FBN1: variants seen among roughly 807,000 people sequenced by gnomAD.
FBN1 encodes fibrillin 1, also known as fibrillin-1.
In FBN1, 29 loss-of-function variants were observed where a neutral mutation model predicts 365.1. The observed-to-expected ratio is 0.08, with a 90% confidence interval of 0.06 to 0.11. FBN1 has a LOEUF of 0.11. Among genes scored for constraint, FBN1 ranks in the 10% least tolerant of loss-of-function variants. The pLI is 1.00. For synonymous variants in FBN1, 1,210 were observed against 1,270.5 expected (o/e 0.95, Z 1.01); for missense variants, 2,476 against 3,703.2 (o/e 0.67, Z 8.60).
chr15:48,417,469 T>TTCCTTCCTTCC (rs752328232), intron 63 of FBN1, among the ~76,000 whole-genome samples: 1 of 33,586 alleles, frequency 3.0e-5, no homozygotes, highest in East Asian at 1.2e-3. Flanking sequence ...CCTTCCTTCC[T>TTCCTTCCTTCC]TTCCTTCCTT....
chr15:48,636,435 T>C (rs949179740), intron 2 of FBN1, among the ~76,000 whole-genome samples: 1 of 152,194 alleles, frequency 6.6e-6, no homozygotes, highest in Non-Finnish European at 1.5e-5. Flanking sequence ...TTAACACATG[T>C]GACCAGGGTC....
rs138611159 is a variant in FBN1 at position 48,609,604 on chromosome 15, A to C, written c.346+1124T>G. 3.2e-3 allele frequency among the ~76,000 whole-genome samples: 481 copies of C among 152,336 alleles called. 7 individuals carry two copies. The East Asian group carries it at 0.036, about 11-fold the overall frequency. On this transcript the variant is annotated intron_variant, in intron 4 of 65. Transcript: ENST00000316623. ...TGGTTATCCAAACTGAGAGGCAAGG[A>C]AGCTGAGGCACTTATCCAACCACTC...
chr15:48,570,172 T>C (rs2044295931), intron 6 of FBN1, among the ~76,000 whole-genome samples: 4 of 152,186 alleles, frequency 2.6e-5, no homozygotes, highest in Admixed American at 2.6e-4. Context: ...GCTTTATATA[T>C]CTAACCACCT....
At chr15:48,519,317 T>C (rs1448884403) in intron 10 of FBN1, among the ~76,000 whole-genome samples, 2 of 152,324 alleles carry the variant, frequency 1.3e-5, no homozygotes, top group South Asian at 2.1e-4. Context: ...ATATGCTCAA[T>C]TGGTGGGAAA....
intron 44 of FBN1, among the ~76,000 whole-genome samples, chr15:48,453,795 G>A (rs1042369482): frequency 2.6e-5 from 4 of 151,678 alleles, no homozygotes; most frequent in African/African-American, 4.8e-5. Context: ...TCTCAATATC[G>A]CTGTGGACCT....
In FBN1 at chr15:48,448,826, G is replaced by A. The variant is rs776310363; in HGVS notation, c.5613C>T (p.Ser1871=). 6.2e-7 allele frequency: 1 copy of A among 1,612,786 alleles called. No individual in the cohort carries two copies. Among genetic ancestry groups the A allele is most frequent in the African/African-American group, 1.3e-5 (1 of 74,876 alleles). The change falls in exon 46 of 66, where the codon AGC becomes AGT. Residue 1871 remains serine, a synonymous_variant. Coordinates refer to ENST00000316623, the MANE Select transcript of FBN1 (RefSeq NM_000138.5). ...AACCAGTGTGGCAAAGGCAATAAAAGCTTCCAACTGTGTCAATGCACTGCC... is the reference window on the plus strand; with the variant it reads ...AACCAGTGTGGCAAAGGCAATAAAAACTTCCAACTGTGTCAATGCACTGCC... ...SHGQCIDTVG[S]FYCLCHTGFK...
intron 10 of FBN1, among the ~76,000 whole-genome samples, chr15:48,519,657 A>G (rs1407822890): frequency 3.9e-5 from 6 of 152,322 alleles, no homozygotes; most frequent in Middle Eastern, 3.4e-3. Flanking sequence ...GGATGGCAGG[A>G]GTAGGGAGAA....
At chr15:48,426,724 C>G (rs1191120292) in intron 58 of FBN1, among the ~76,000 whole-genome samples, 1 of 152,148 alleles carries the variant, frequency 6.6e-6, no homozygotes, top group Non-Finnish European at 1.5e-5. Context: ...TTAGCACACT[C>G]TTATTGGTCT....
In FBN1 at chr15:48,465,855, T is replaced by A. The variant is rs1209646332; in HGVS notation, c.4751A>T (p.Glu1584Val). ...CEMCPAVNTSEYKILCPGGEG... is the reference protein window; with the variant it reads ...CEMCPAVNTSVYKILCPGGEG... ...CCCTCCAGGACAAAGAATTTTGTAC[T>A]CGGCTATTGAAACAAAAATTCAAAT... Residue 1584 changes from glutamate to valine, a missense_variant, in exon 39 of 66, where the codon GAG (glutamate) becomes GTG (valine). By Grantham distance (121) the Glu-to-Val change is moderately radical. Coordinates refer to ENST00000316623, the MANE Select transcript of FBN1 (RefSeq NM_000138.5). The A allele has an allele frequency of 1.2e-6, 2 of 1,611,742 alleles. No individual in the cohort carries two copies. Among genetic ancestry groups the A allele is most frequent in the African/African-American group, 1.3e-5 (1 of 74,890 alleles).
intron 4 of FBN1, among the ~76,000 whole-genome samples, chr15:48,601,391 C>T (rs567830534): frequency 9.5e-4 from 145 of 152,342 alleles, no homozygotes; most frequent in Non-Finnish European, 1.4e-3. Context: ...TGATACCTGC[C>T]TACACATGGA....
intron 2 of FBN1, among the ~76,000 whole-genome samples, chr15:48,628,406 A>C (rs1056978958): frequency 2.0e-5 from 3 of 152,144 alleles, no homozygotes; most frequent in African/African-American, 7.2e-5. Context: ...TATTACCCTC[A>C]TAGTCCAAAA....
intron 10 of FBN1, among the ~76,000 whole-genome samples, chr15:48,519,436 G>A (rs1354181573): frequency 2.0e-5 from 3 of 152,174 alleles, no homozygotes; most frequent in Non-Finnish European, 2.9e-5. Context: ...CTACAATAAT[G>A]AATGAGATTT....
At chr15:48,436,398 T>C (rs964189583) in intron 53 of FBN1, among the ~76,000 whole-genome samples, 4 of 152,168 alleles carry the variant, frequency 2.6e-5, no homozygotes, top group Non-Finnish European at 5.9e-5. Flanking sequence ...TTATGTTATA[T>C]TGAATCACTC....
intron 4 of FBN1, among the ~76,000 whole-genome samples, chr15:48,601,026 T>G (rs2044561579): frequency 1.3e-5 from 2 of 152,198 alleles, no homozygotes; most frequent in Admixed American, 6.5e-5. Context: ...ATAACAACAC[T>G]GCCTGACGAC....
At chr15:48,567,620 A>C (rs1390326692) in intron 6 of FBN1, among the ~76,000 whole-genome samples, 1 of 152,186 alleles carries the variant, frequency 6.6e-6, no homozygotes, top group African/African-American at 2.4e-5. Flanking sequence ...ACCATGACCA[A>C]ATGGAATTTG....
chr15:48,524,060 A>C (rs972639779), intron 9 of FBN1, among the ~76,000 whole-genome samples: 2 of 152,206 alleles, frequency 1.3e-5, no homozygotes, highest in Non-Finnish European at 2.9e-5. Context: ...GTGTACAACC[A>C]GGAGTTAGGA....
At chr15:48,548,243 G>A (rs893469910) in intron 6 of FBN1, among the ~76,000 whole-genome samples, 2 of 152,138 alleles carry the variant, frequency 1.3e-5, no homozygotes, top group Admixed American at 6.5e-5. Context: ...GGGGTCTCTT[G>A]GCAGCTCCAC....
At chr15:48,420,238 G>C (rs914035225) in intron 63 of FBN1, among the ~76,000 whole-genome samples, 1 of 152,120 alleles carries the variant, frequency 6.6e-6, no homozygotes, top group African/African-American at 2.4e-5. Context: ...ACACAACCTT[G>C]CTGTGTTTCC....
chr15:48,488,561 A>G lies in FBN1; in HGVS notation c.3083-68T>C, dbSNP rs964306664. ...AAGCAGTCAGGAGGTCTCAATGCCC[A>G]CCATTTTAAATCATGAAGGTTGGAA... On this transcript the variant is annotated intron_variant, in intron 25 of 65. Transcript: ENST00000316623. 8.9e-6 allele frequency: 14 copies of G among 1,567,014 alleles called. No homozygotes were observed. The South Asian group carries it at 1.3e-4, about 15-fold the overall frequency.
Sources: gnomAD v4.1 joint callset for allele counts (sites outside exome capture counted in the v4.1 genomes callset) on GRCh38, gnomAD v4.1.1 for gene constraint, MANE v1.5 for transcripts, NCBI Gene and HGNC (gene_info 2026-07-23, HGNC 2026-07-21) for gene names.